The following PAK6 variants were observed in gnomAD, a reference collection of about 807,000 sequenced individuals.
The protein encoded by PAK6 is p21 (RAC1) activated kinase 6.
In PAK6, 33 loss-of-function variants were observed where a neutral mutation model predicts 60.8. That is an observed-to-expected ratio of 0.54 (90% CI 0.41 to 0.73). The LOEUF (loss-of-function observed/expected upper bound fraction) is 0.73, where lower values mean the gene tolerates loss of function less well. Among genes scored for constraint, PAK6 ranks in the 30% least tolerant of loss-of-function variants. PAK6 has a pLI of 0.00. For missense variants in PAK6, 845 were observed against 904.1 expected, an observed-to-expected ratio of 0.93 and a Z score of 0.84; for synonymous variants, 404 against 378.5, an observed-to-expected ratio of 1.07 and a Z score of -0.78.
intron 3 of PAK6, among the ~76,000 whole-genome samples, chr15:40,255,857 T>G (rs1169108596): frequency 6.6e-6 from 1 of 152,126 alleles, no homozygotes; most frequent in Non-Finnish European, 1.5e-5. Context: ...GACTGAACTT[T>G]GGGCCAAGGG....
chr15:40,275,280 G>GT lies in PAK6; in HGVS notation c.1879-625dup, dbSNP rs869058525. ...GACTTGTTTGTTTCTGTTGTTGTTG[G>GT]TTTTTTTTTTTTTTTTTTTTTTGGA... On this transcript the variant is annotated intron_variant, in intron 10 of 10. Coordinates refer to ENST00000560346, the Ensembl canonical transcript of PAK6. 1.1e-3 allele frequency among the ~76,000 whole-genome samples: 62 copies of GT among 56,506 alleles called. 3 individuals are homozygous for GT. Among genetic ancestry groups the GT allele is most frequent in the African/African-American group, 4.0e-3 (55 of 13,834 alleles). The allele number at this position is 56,506 out of a possible 152,430, so 37.1% of individuals were successfully genotyped here.
At chr15:40,253,250 G>C in exon 3 of PAK6, 1 of 456,040 alleles carries the variant, frequency 2.2e-6, no homozygotes, top group Non-Finnish European at 4.4e-6. Flanking sequence ...GGCCCAGTGC[G>C]GGTGAGGAGT....
At chr15:40,242,916 G>A (rs1302660465) in intron 2 of PAK6, among the ~76,000 whole-genome samples, 1 of 152,190 alleles carries the variant, frequency 6.6e-6, no homozygotes, top group African/African-American at 2.4e-5. Context: ...GGAAGAGGGG[G>A]TGGACAAAGC....
At chr15:40,260,049 G>A (rs2038944531) in intron 3 of PAK6, 1 of 152,080 alleles carries the variant, frequency 6.6e-6, no homozygotes, top group Non-Finnish European at 1.5e-5. Context: ...TTTCGCCAAA[G>A]TAAACCTTGA....
At chr15:40,274,664 A>G (rs1240134350) in intron 10 of PAK6, among the ~76,000 whole-genome samples, 2 of 152,170 alleles carry the variant, frequency 1.3e-5, no homozygotes, top group African/African-American at 4.8e-5. Context: ...GTGTCGGGAG[A>G]TCCATACCAT....
intron 2 of PAK6, among the ~76,000 whole-genome samples, chr15:40,249,855 G>C (rs949752920): frequency 1.3e-5 from 2 of 152,222 alleles, no homozygotes; most frequent in African/African-American, 4.8e-5. Context: ...GACCATACTG[G>C]CCTGCCAATG....
At position 40,266,262 on chromosome 15, in the gene PAK6, C is replaced by G. The variant is rs1391097596; in HGVS notation, c.625C>G (p.Pro209Ala). ...GAGCTCCCCACCAGGAGCCTCGCCC[C>G]CCACGGGCACCAATAGGCATGGAAT... The change falls in exon 5 of 11, where the codon CCC becomes GCC. Residue 209 changes from proline to alanine, a missense_variant. Physicochemically the swap from Pro to Ala is conservative, Grantham distance 27 (BLOSUM62 -1). Transcript: ENST00000560346. The G allele has an allele frequency of 6.2e-7, 1 of 1,611,036 alleles. No individual in the cohort carries two copies. The highest frequency in any genetic ancestry group is 1.1e-5 in the South Asian group (1 of 91,020).
exon 5 of PAK6, chr15:40,266,066 C>G: frequency 6.2e-7 from 1 of 1,610,484 alleles, no homozygotes; most frequent in East Asian, 2.2e-5. Flanking sequence ...CCCACGGCCT[C>G]TACCTCAGCT....
chr15:40,274,064 C>T, intron 9 of PAK6, 78 bp from the exon 10 acceptor site: 1 of 1,543,270 alleles, frequency 6.5e-7, no homozygotes, highest in East Asian at 2.2e-5. Context: ...GTCCCCCCTC[C>T]ACCACTGCTG....
chr15:40,273,667 T>G lies in PAK6; in HGVS notation c.1734T>G (p.Tyr578Ter). ...CTGAAGTGATCTCCAGGTCTTTGTA[T>G]GCCACTGAGGTAACCGTTCCCTCCA... The change falls in exon 9 of 11, where the codon TAT (tyrosine) becomes TAG (stop). Residue 578 changes from tyrosine (Y) to a stop codon, truncating the protein, a stop_gained. Transcript: ENST00000560346. LOFTEE classifies it high-confidence loss of function. 5 of 1,613,980 alleles carry G rather than the reference T, an allele frequency of 3.1e-6. No individual in the cohort carries two copies. Among genetic ancestry groups the G allele is most frequent in the Non-Finnish European group, 4.2e-6 (5 of 1,179,978 alleles).
At chr15:40,259,870 A>C (rs770143534) in intron 3 of PAK6, 2 of 151,958 alleles carry the variant, frequency 1.3e-5, no homozygotes, top group African/African-American at 2.4e-5. Flanking sequence ...AAAGAGTAGA[A>C]AGATAGAATA....
rs1318112376 is a variant in PAK6, at chr15:40,260,669, A to C, written c.-5-4112A>C. 2.0e-5 allele frequency among the ~76,000 whole-genome samples: 3 copies of C among 152,298 alleles called. No homozygotes were observed. The East Asian group carries it at 5.8e-4, about 29-fold the overall frequency. ...TTTTAGAATCAGTTCATCAATTTCT[A>C]CCAAAGGAAATATGCTGGGATTTTG... On this transcript the variant is annotated intron_variant, in intron 3 of 10. Transcript: ENST00000560346.
At chr15:40,249,755 A>G (rs2038609397) in intron 2 of PAK6, among the ~76,000 whole-genome samples, 1 of 152,226 alleles carries the variant, frequency 6.6e-6, no homozygotes, top group Non-Finnish European at 1.5e-5. Flanking sequence ...GTTGGCACTC[A>G]GATGTTACAA....
chr15:40,267,662 CA>C (rs1226635813), intron 5 of PAK6, among the ~76,000 whole-genome samples: 3 of 147,944 alleles, frequency 2.0e-5, no homozygotes, highest in Non-Finnish European at 4.5e-5. Context: ...GACTCCGTCT[CA>C]AAAAAAAAAG....
exon 6 of PAK6, chr15:40,272,372 C>T: frequency 6.2e-7 from 1 of 1,613,672 alleles, no homozygotes; most frequent in Non-Finnish European, 8.5e-7. Context: ...CTCCGCACAG[C>T]CCCGGCCACA....
At chr15:40,240,823 C>T (rs544220102) in intron 2 of PAK6, 142 bp downstream of exon 2, 257 of 329,342 alleles carry the variant, frequency 7.8e-4, no homozygotes, top group Non-Finnish European at 1.4e-3. Flanking sequence ...CCACTCCCCA[C>T]CCGGCCTGCC....
chr15:40,261,268 G>T (rs979410218), intron 3 of PAK6, among the ~76,000 whole-genome samples: 1 of 151,824 alleles, frequency 6.6e-6, no homozygotes, highest in African/African-American at 2.4e-5. Flanking sequence ...CCTGGGCACG[G>T]TGGCTCATGC....
In PAK6 at chr15:40,272,422, C is replaced by T. The variant is rs369825628; in HGVS notation, c.1057C>T (p.Arg353Cys). 66 of 1,613,506 alleles carry T rather than the reference C, an allele frequency of 4.1e-5. No homozygotes were observed. The highest frequency in any genetic ancestry group is 4.8e-5 in the Non-Finnish European group (57 of 1,180,018). ...CCGGTCTTCCCCAGCGGGATCCCCCCGCACCTGGCACGCCCAGATCAGCAC... is the reference window on the plus strand; with the variant it reads ...CCGGTCTTCCCCAGCGGGATCCCCCTGCACCTGGCACGCCCAGATCAGCAC... The change falls in exon 6 of 11, where the codon CGC (arginine) becomes TGC (cysteine). Residue 353 changes from arginine (R) to cysteine (C), a missense_variant. Arg to Cys is a radical substitution (Grantham distance 180). Coordinates refer to ENST00000560346, the Ensembl canonical transcript of PAK6.
intron 4 of PAK6, 132 bp downstream of exon 4, chr15:40,265,121 C>T (rs959820397): frequency 7.2e-6 from 6 of 835,944 alleles, no homozygotes; most frequent in Non-Finnish European, 1.1e-5. Context: ...GTTTTAACTC[C>T]CTGCCTGTCA....
Sources: gnomAD v4.1 joint callset for allele counts (sites outside exome capture counted in the v4.1 genomes callset) on GRCh38, gnomAD v4.1.1 for gene constraint, MANE v1.5 for transcripts, NCBI Gene and HGNC (gene_info 2026-07-23, HGNC 2026-07-21) for gene names.